SINHCAF: variants seen among roughly 807,000 people sequenced by gnomAD.
SINHCAF encodes SIN3-HDAC complex associated factor.
A neutral mutation model predicts 25.8 loss-of-function variants in SINHCAF; 3 were observed. The ratio of observed to expected loss-of-function variants is 0.12; its 90% CI spans 0.05 to 0.30. SINHCAF has a LOEUF of 0.30. SINHCAF is among the 10% of genes least tolerant of loss of function. SINHCAF has a pLI of 1.00. For missense variants in SINHCAF, 121 were observed against 262.3 expected (o/e 0.46, Z 3.72); for synonymous variants, 70 against 85.5 (o/e 0.82, Z 1.00).
intron 1 of SINHCAF, among the ~76,000 whole-genome samples, chr12:31,309,735 G>A (rs994103830): frequency 3.5e-5 from 5 of 144,550 alleles, no homozygotes; most frequent in African/African-American, 7.7e-5. Flanking sequence ...GTGTGATCTC[G>A]GCTCACCGCA....
intron 1 of SINHCAF, among the ~76,000 whole-genome samples, chr12:31,321,749 A>C (rs770962194): frequency 3.9e-5 from 6 of 152,186 alleles, no homozygotes; most frequent in East Asian, 1.9e-4. Context: ...ACCATCTCTT[A>C]AGAAAAAACG....
Position 31,305,321 on chromosome 12 carries a change from A to C in SINHCAF, c.-20-7097T>G, listed in dbSNP as rs1206253838. ...TCATCTCCCAGGAGCGCACTGTGGG[A>C]CGTGTCTTGCACTAAGGTCTGGCTT... On this transcript the variant is annotated intron_variant, in intron 1 of 5. Transcript: ENST00000337682. Among the ~76,000 whole-genome samples, 3 of 152,076 alleles carry C rather than the reference A, an allele frequency of 2.0e-5. No individual in the cohort carries two copies. The East Asian group carries it at 5.8e-4, about 29-fold the overall frequency.
Position 31,288,428 on chromosome 12 carries a change from C to T in SINHCAF, c.356-644G>A, listed in dbSNP as rs569217736. On this transcript the variant is annotated intron_variant, in intron 4 of 5. Transcript: ENST00000337682. ...ACCCTCACAAGACTTAGGAAGCACC[C>T]CAACACCTATACCAGGGTGGTGTCA... Among the ~76,000 whole-genome samples the T allele has an allele frequency of 2.0e-5, 3 of 152,244 alleles. No homozygotes were observed. The South Asian group carries it at 6.2e-4, about 32-fold the overall frequency.
intron 4 of SINHCAF, 59 bp from the exon 5 acceptor site, chr12:31,287,843 C>T (rs1938142381): frequency 3.4e-5 from 44 of 1,307,692 alleles, no homozygotes; most frequent in Non-Finnish European, 4.7e-5. Context: ...GTAATTGCAA[C>T]TAAACCTCAG....
intron 3 of SINHCAF, among the ~76,000 whole-genome samples, chr12:31,294,966 G>C (rs1207912562): frequency 6.6e-6 from 1 of 152,148 alleles, no homozygotes; most frequent in Non-Finnish European, 1.5e-5. Flanking sequence ...GGGAATTACT[G>C]AGTTAAGCCT....
intron 5 of SINHCAF, among the ~76,000 whole-genome samples, chr12:31,285,377 G>GTC (rs144868057): frequency 4.0e-5 from 6 of 148,504 alleles, no homozygotes; most frequent in Admixed American, 6.8e-5. Flanking sequence ...GACAGAGTGA[G>GTC]TCTCTCTCTC....
intron 4 of SINHCAF, 95 bp downstream of exon 4, chr12:31,293,710 A>G (rs1938431697): frequency 2.7e-6 from 3 of 1,107,496 alleles, no homozygotes; most frequent in Non-Finnish European, 3.7e-6. Context: ...ATAAAAAGCA[A>G]TAAAGGAAAA....
rs564871898 is a variant in SINHCAF at position 31,291,050 on chromosome 12, T to C, written c.355+2755A>G. Reference sequence around the variant, plus strand: ...GCAATTTTAAGTCTTAAAAATTACGTAGGATTTAGAAGGCACCAAGGAGTG... The same window carrying C: ...GCAATTTTAAGTCTTAAAAATTACGCAGGATTTAGAAGGCACCAAGGAGTG... On this transcript the variant is annotated intron_variant, in intron 4 of 5. Transcript: ENST00000337682. Among the ~76,000 whole-genome samples the C allele has an allele frequency of 3.4e-4, 52 of 152,224 alleles. 1 individual carries two copies. Among genetic ancestry groups the C allele is most frequent in the African/African-American group, 1.2e-3 (48 of 41,532 alleles).
chr12:31,306,810 C>A (rs1355825204), intron 1 of SINHCAF, among the ~76,000 whole-genome samples: 1 of 152,168 alleles, frequency 6.6e-6, no homozygotes, highest in Non-Finnish European at 1.5e-5. Context: ...GTCATGAGCA[C>A]CATCAGATGC....
At chr12:31,286,864 T>C (rs77870017) in intron 5 of SINHCAF, among the ~76,000 whole-genome samples, 1,749 of 152,364 alleles carry the variant, frequency 0.011, 17 homozygotes, top group East Asian at 0.037. Flanking sequence ...GTGCATAGGC[T>C]CCAATCATCT....
chr12:31,325,103 A>G lies in SINHCAF; in HGVS notation c.-21+921T>C, dbSNP rs1290002378. The G allele has an allele frequency of 1.3e-5, 6 of 456,590 alleles. No homozygotes were observed. Among genetic ancestry groups the G allele is most frequent in the Non-Finnish European group, 2.6e-5 (6 of 226,950 alleles). The allele number at this position is 456,590 out of a possible 1,614,324, so 28.3% of individuals were successfully genotyped here. ...GAGTTCACTGACTCCCGCGGCGTAC[A>G]CAACGCCGCCGCCTCCATCTCCAGC... On this transcript the variant is annotated intron_variant, in intron 1 of 5. Transcript: ENST00000337682. This position sits in a 1 kb window ranked among gnomAD's most constrained non-coding sequence, Gnocchi z 5.9.
chr12:31,294,874 T>G (rs1938485087), intron 3 of SINHCAF, among the ~76,000 whole-genome samples: 1 of 152,178 alleles, frequency 6.6e-6, no homozygotes. Context: ...CTGATCTACA[T>G]GTTCATTAGT....
Position 31,280,858 on chromosome 12 carries a change from A to C in SINHCAF, c.*1854T>G, listed in dbSNP as rs1937760899. The C allele has an allele frequency of 2.0e-5, 3 of 152,090 alleles. No homozygotes were observed. In the South Asian group the frequency reaches 6.2e-4, roughly 32 times the overall value. The allele number at this position is 152,090 out of a possible 1,614,324, so 9.4% of individuals were successfully genotyped here. A position where few individuals can be genotyped will look rare whatever the true frequency, so the allele number is the denominator to read the frequency against. On this transcript the variant is annotated 3_prime_UTR_variant, in exon 6 of 6. Coordinates refer to ENST00000337682, the MANE Select transcript of SINHCAF (RefSeq NM_001135812.2). Reference sequence around the variant, plus strand: ...CACCAATACTGCAGCCAAAATGTACAAAAAAAATCATTTCAAATAACTCAG... The same window carrying C: ...CACCAATACTGCAGCCAAAATGTACCAAAAAAATCATTTCAAATAACTCAG...
In SINHCAF at chr12:31,282,733, G is replaced by C. The variant is rs1327778255; in HGVS notation, c.645C>G (p.Pro215=). Residue 215 remains proline, a synonymous_variant, in exon 6 of 6, where the codon CCC becomes CCG. Transcript: ENST00000337682. ...TCAGTCACCACTCCTGAGTGGAGAT[G>C]GGCAGAGGCTCTGGCCCCTGCTCCT... ...KPEEQGPEPL[P]ISTQEW The C allele has an allele frequency of 6.3e-7, 1 of 1,598,066 alleles. No homozygotes were observed. The highest frequency in any genetic ancestry group is 8.5e-7 in the Non-Finnish European group (1 of 1,175,110).
intron 1 of SINHCAF, chr12:31,311,698 G>A (rs2137121447): frequency 2.0e-6 from 1 of 494,062 alleles, no homozygotes; most frequent in Admixed American, 2.6e-5. Context: ...TGCAAGCATT[G>A]AGAAAAATGG....
intron 4 of SINHCAF, among the ~76,000 whole-genome samples, chr12:31,290,417 C>A (rs76392003): frequency 0.011 from 1,748 of 152,188 alleles, 17 homozygotes; most frequent in East Asian, 0.037. Flanking sequence ...CACACCCAGT[C>A]AAGAAAACGT....
chr12:31,307,229 C>G (rs1328056960), intron 1 of SINHCAF, among the ~76,000 whole-genome samples: 4 of 152,084 alleles, frequency 2.6e-5, no homozygotes, highest in East Asian at 1.9e-4. Context: ...TCCAAGTATA[C>G]CGTCATTCTC....
chr12:31,309,127 CAAAAAAAAAAAAAAAA>C (rs757095598), intron 1 of SINHCAF, among the ~76,000 whole-genome samples: 3 of 75,420 alleles, frequency 4.0e-5, no homozygotes, highest in Admixed American at 1.6e-4. Context: ...GATTCTGTCT[CAAAAAAAAAAAAAAAA>C]AAAAAAAGAA....
intron 1 of SINHCAF, among the ~76,000 whole-genome samples, chr12:31,302,393 A>T (rs555559486): frequency 2.0e-5 from 3 of 151,390 alleles, no homozygotes; most frequent in Non-Finnish European, 2.9e-5. Flanking sequence ...TGTTTTTGAG[A>T]TATTTAAAAA....
Sources: gnomAD v4.1 joint callset for allele counts (sites outside exome capture counted in the v4.1 genomes callset) on GRCh38, gnomAD v4.1.1 for gene constraint, Gnocchi (gnomAD v3.1) non-coding constraint, MANE v1.5 for transcripts, NCBI Gene and HGNC (gene_info 2026-07-23, HGNC 2026-07-21) for gene names.